FAM187B: variants seen among roughly 807,000 people sequenced by gnomAD.
The protein encoded by FAM187B is family with sequence similarity 187 member B, also known as protein FAM187B.
FAM187B carries 22 observed loss-of-function variants against 22.6 expected under a neutral mutation model. The ratio of observed to expected loss-of-function variants is 0.97; its 90% confidence interval spans 0.70 to 1.39. The LOEUF (loss-of-function observed/expected upper bound fraction) is 1.39, where lower values mean the gene tolerates loss of function less well. Ranked by LOEUF, FAM187B falls within the 40% of genes most tolerant of loss-of-function variation. FAM187B has a pLI of 0.00. For synonymous variants in FAM187B, 192 were observed against 201.8 expected (o/e 0.95, Z 0.41); for missense variants, 433 against 462.1 (o/e 0.94, Z 0.58).
At position 35,225,068 on chromosome 19, in the gene FAM187B, C is replaced by A; in HGVS notation, c.867G>T (p.Gln289His). 1 of 1,612,642 alleles carries A rather than the reference C, an allele frequency of 6.2e-7. No homozygotes were observed. The highest frequency in any genetic ancestry group is 8.5e-7 in the Non-Finnish European group (1 of 1,179,274). The change falls in exon 2 of 2, where the codon CAG becomes CAT. Residue 289 changes from glutamine (Q) to histidine (H), a missense_variant. Transcript: ENST00000324675. ...FQPAVYKCFVQQELVAQFKPA... is the reference protein window; with the variant it reads ...FQPAVYKCFVHQELVAQFKPA... Reference sequence around the variant, plus strand: ...GTTTGAACTGGGCCACGAGCTCCTGCTGCACGAAGCACTTGTAGACGGCCG... The same window carrying A: ...GTTTGAACTGGGCCACGAGCTCCTGATGCACGAAGCACTTGTAGACGGCCG...
chr19:35,224,960 G>T lies in FAM187B; in HGVS notation c.975C>A (p.Gly325=), dbSNP rs144422106. ...QWREARKALR[G]RADSVLKGLK... ...GCCCCTTGAGCACGGAGTCCGCCCTGCCCCGCAGGGCCTTCCTTGCCTCCC... is the reference window on the plus strand; with the variant it reads ...GCCCCTTGAGCACGGAGTCCGCCCTTCCCCGCAGGGCCTTCCTTGCCTCCC... The change falls in exon 2 of 2, where the codon GGC becomes GGA. Residue 325 remains glycine, a synonymous_variant. Transcript: ENST00000324675. The T allele has an allele frequency of 1.9e-6, 3 of 1,613,738 alleles. No homozygotes were observed. The highest frequency in any genetic ancestry group is 2.5e-6 in the Non-Finnish European group (3 of 1,179,978).
intron 1 of FAM187B, 41 bp downstream of exon 1, chr19:35,227,918 G>A (rs775727191): frequency 3.3e-5 from 51 of 1,563,796 alleles, no homozygotes; most frequent in Middle Eastern, 1.7e-4. Context: ...TCCCCTGACC[G>A]GAAGAATCTG....
chr19:35,228,455 G>A lies in FAM187B; in HGVS notation c.226C>T (p.Pro76Ser). 1 of 1,614,170 alleles carries A rather than the reference G, an allele frequency of 6.2e-7. No homozygotes were observed. The highest frequency in any genetic ancestry group is 8.5e-7 in the Non-Finnish European group (1 of 1,180,048). ...LTNISNMEIM[P>S]EGSLLIKDPL... ...TCTTTAATGAGAAGGCTGCCCTCGG[G>A]CATTATTTCCATATTGGAAATATTG... Residue 76 changes from proline (P) to serine (S), a missense_variant, in exon 1 of 2, where the codon CCC becomes TCC. Pro to Ser is a moderately conservative substitution (Grantham distance 74, BLOSUM62 -1). Transcript: ENST00000324675.
At chr19:35,225,294 C>A (rs1379752568) in intron 1 of FAM187B, 82 bp from the exon 2 acceptor site, 9 of 1,410,458 alleles carry the variant, frequency 6.4e-6, no homozygotes, top group Non-Finnish European at 8.3e-6. Flanking sequence ...AATAAAGCAC[C>A]GCCCAGTCCC....
chr19:35,228,654 G>C lies in FAM187B; in HGVS notation c.27C>G (p.Leu9=). MPPMLWLL[L]HFAAPALGFY... Reference sequence around the variant, plus strand: ...ACCCCAGTGCCGGGGCAGCAAAGTGGAGCAGCAGCCACAGCATGGGTGGCA... The same window carrying C: ...ACCCCAGTGCCGGGGCAGCAAAGTGCAGCAGCAGCCACAGCATGGGTGGCA... Residue 9 remains leucine (L), a synonymous_variant, in exon 1 of 2, where the codon CTC becomes CTG. Transcript: ENST00000324675. The C allele has an allele frequency of 6.2e-7, 1 of 1,611,600 alleles. No individual in the cohort carries two copies. Among genetic ancestry groups the C allele is most frequent in the African/African-American group, 1.3e-5 (1 of 75,016 alleles).
Position 35,228,736 on chromosome 19 carries a change from C to A in FAM187B, c.-56G>T. 6.5e-7 allele frequency: 1 copy of A among 1,541,624 alleles called. No homozygotes were observed. Among genetic ancestry groups the A allele is most frequent in the Non-Finnish European group, 8.7e-7 (1 of 1,149,904 alleles). On this transcript the variant is annotated 5_prime_UTR_variant, in exon 1 of 2. Coordinates refer to ENST00000324675, the MANE Select transcript of FAM187B (RefSeq NM_152481.2). ...GCCACCCCGAACATTGTGAGGTCAC[C>A]CATGAACTCTGGCCTCAGCCCTGGG...
At position 35,228,702 on chromosome 19, in the gene FAM187B, T is replaced by C; in HGVS notation, c.-22A>G. The C allele has an allele frequency of 6.9e-6, 11 of 1,584,862 alleles. No individual in the cohort carries two copies. Among genetic ancestry groups the C allele is most frequent in the Non-Finnish European group, 9.4e-6 (11 of 1,167,928 alleles). ...GCATGGTGGACTGGGGCTGTGGCAG[T>C]GGGCTGGTGCCACCCCGAACATTGT... On this transcript the variant is annotated 5_prime_UTR_variant, in exon 1 of 2. Coordinates refer to ENST00000324675, the MANE Select transcript of FAM187B (RefSeq NM_152481.2).
rs766431388 is a variant in FAM187B at position 35,228,144 on chromosome 19, C to A, written c.537G>T (p.Trp179Cys). Residue 179 changes from tryptophan to cysteine, a missense_variant, in exon 1 of 2, where the codon TGG (tryptophan) becomes TGT (cysteine). Coordinates refer to ENST00000324675, the MANE Select transcript of FAM187B (RefSeq NM_152481.2). ...ACACCAGCACCTCTCCCAGATAGAG[C>A]CAGCAGGGCATGGCTTCCTCCAGAG... ...EEPLEEAMPC[W>C]LYLGEVLVWS... The A allele has an allele frequency of 1.9e-6, 3 of 1,614,220 alleles. No individual in the cohort carries two copies. The East Asian group carries it at 6.7e-5, about 36-fold the overall frequency.
rs201549144 is a variant in FAM187B, at chr19:35,228,162, C to G, written c.519G>C (p.Glu173Asp). Reference sequence around the variant, plus strand: ...GATAGAGCCAGCAGGGCATGGCTTCCTCCAGAGGCTCCTCAATGTAGCGGT... The same window carrying G: ...GATAGAGCCAGCAGGGCATGGCTTCGTCCAGAGGCTCCTCAATGTAGCGGT... ...LGYRYIEEPL[E>D]EAMPCWLYLG... The change falls in exon 1 of 2, where the codon GAG becomes GAC. Residue 173 changes from glutamate to aspartate, a missense_variant. Physicochemically the swap from Glu to Asp is conservative, Grantham distance 45. Transcript: ENST00000324675. The G allele has an allele frequency of 6.2e-7, 1 of 1,614,162 alleles. No homozygotes were observed.
At chr19:35,227,334 G>A (rs1175322463) in intron 1 of FAM187B, among the ~76,000 whole-genome samples, 5 of 151,860 alleles carry the variant, frequency 3.3e-5, no homozygotes, top group Admixed American at 6.6e-5. Context: ...ATTCTCCTGC[G>A]TCAGCCTCCT....
intron 1 of FAM187B, among the ~76,000 whole-genome samples, chr19:35,226,607 G>A (rs977837118): frequency 3.9e-5 from 6 of 152,220 alleles, no homozygotes; most frequent in Non-Finnish European, 7.3e-5. Context: ...GTGTTTAGTG[G>A]AGAAATGAAT....
chr19:35,228,669 C>T lies in FAM187B; in HGVS notation c.12G>A (p.Met4Ile), dbSNP rs1311863099. 3 of 1,607,110 alleles carry T rather than the reference C, an allele frequency of 1.9e-6. No individual in the cohort carries two copies. The highest frequency in any genetic ancestry group is 2.5e-6 in the Non-Finnish European group (3 of 1,177,230). ...CAGCAAAGTGGAGCAGCAGCCACAG[C>T]ATGGGTGGCATGGTGGACTGGGGCT... MPP[M>I]LWLLLHFAAP... Residue 4 changes from methionine to isoleucine, a missense_variant, in exon 1 of 2, where the codon ATG becomes ATA. Coordinates refer to ENST00000324675, the MANE Select transcript of FAM187B (RefSeq NM_152481.2).
intron 1 of FAM187B, 43 bp downstream of exon 1, chr19:35,227,916 C>T: frequency 6.4e-7 from 1 of 1,561,806 alleles, no homozygotes; most frequent in Non-Finnish European, 8.7e-7. Flanking sequence ...GATCCCCTGA[C>T]CGGAAGAATC....
chr19:35,227,836 T>C (rs2065665997), intron 1 of FAM187B, 123 bp downstream of exon 1: 3 of 1,421,326 alleles, frequency 2.1e-6, no homozygotes, highest in Non-Finnish European at 2.8e-6. Flanking sequence ...CCTGGCACTG[T>C]CCTGATGACC....
In FAM187B at chr19:35,228,129, C is replaced by T; in HGVS notation, c.552G>A (p.Glu184=). ...EAMPCWLYLG[E]VLVWSSRLRP... ...GCAAGCGGCTAGACCACACCAGCAC[C>T]TCTCCCAGATAGAGCCAGCAGGGCA... Residue 184 remains glutamate (E), a synonymous_variant, in exon 1 of 2, where the codon GAG becomes GAA. Coordinates refer to ENST00000324675, the MANE Select transcript of FAM187B (RefSeq NM_152481.2). The T allele has an allele frequency of 6.2e-7, 1 of 1,614,252 alleles. No individual in the cohort carries two copies. The highest frequency in any genetic ancestry group is 8.5e-7 in the Non-Finnish European group (1 of 1,180,040).
chr19:35,228,635 G>C lies in FAM187B; in HGVS notation c.46C>G (p.Leu16Val), dbSNP rs1341316497. The C allele has an allele frequency of 2.5e-6, 4 of 1,613,204 alleles. No homozygotes were observed. Among genetic ancestry groups the C allele is most frequent in the Admixed American group, 1.7e-5 (1 of 60,004 alleles). The change falls in exon 1 of 2, where the codon CTG (leucine) becomes GTG (valine). Residue 16 changes from leucine (L) to valine (V), a missense_variant. Physicochemically the swap from Leu to Val is conservative, Grantham distance 32. Coordinates refer to ENST00000324675, the MANE Select transcript of FAM187B (RefSeq NM_152481.2). ...WLLLHFAAPA[L>V]GFYFSISCPS... ...CAGCTGATGGAAAAGTAGAACCCCA[G>C]TGCCGGGGCAGCAAAGTGGAGCAGC...
chr19:35,225,077 G>C lies in FAM187B; in HGVS notation c.858C>G (p.Cys286Trp). The C allele has an allele frequency of 6.2e-7, 1 of 1,612,392 alleles. No individual in the cohort carries two copies. Among genetic ancestry groups the C allele is most frequent in the Non-Finnish European group, 8.5e-7 (1 of 1,179,162 alleles). Residue 286 changes from cysteine (C) to tryptophan (W), a missense_variant, in exon 2 of 2, where the codon TGC (cysteine) becomes TGG (tryptophan). Transcript: ENST00000324675. ...LQVFQPAVYKCFVQQELVAQF... is the reference protein window; with the variant it reads ...LQVFQPAVYKWFVQQELVAQF... ...GGGCCACGAGCTCCTGCTGCACGAA[G>C]CACTTGTAGACGGCCGGCTGGAAAA... is the stretch of plus-strand genomic sequence containing the variant.
chr19:35,225,865 G>A (rs1032502577), intron 1 of FAM187B, among the ~76,000 whole-genome samples: 9 of 152,096 alleles, frequency 5.9e-5, no homozygotes, highest in Non-Finnish European at 1.0e-4. Flanking sequence ...TACCTCATAA[G>A]GTTATTTGGA....
At chr19:35,227,225 T>C (rs552914321) in intron 1 of FAM187B, among the ~76,000 whole-genome samples, 92 of 152,186 alleles carry the variant, frequency 6.0e-4, no homozygotes, top group Non-Finnish European at 5.0e-4. Flanking sequence ...TTTTTGTTTT[T>C]TTGTTTTTTG....
Sources: allele counts gnomAD v4.1 joint callset (sites outside exome capture counted in the v4.1 genomes callset), GRCh38; gene constraint gnomAD v4.1.1; transcripts MANE v1.5; gene names NCBI Gene and HGNC (gene_info 2026-07-23, HGNC 2026-07-21).